The following CLEC2A variants were observed in gnomAD, a reference collection of about 807,000 sequenced individuals.
CLEC2A encodes the protein C-type lectin domain family 2 member A.
Under a neutral mutation model 18.6 loss-of-function variants are expected in CLEC2A, and 19 were observed. The ratio of observed to expected loss-of-function variants is 1.02; its 90% CI spans 0.71 to 1.50. The LOEUF (loss-of-function observed/expected upper bound fraction) is 1.50. Ranked by LOEUF, CLEC2A falls within the 40% of genes most tolerant of loss-of-function variation. CLEC2A has a pLI of 0.00. For synonymous variants in CLEC2A, 74 were observed against 64.0 expected (o/e 1.16, Z -0.75); for missense variants, 190 against 207.9 (o/e 0.91, Z 0.53).
At chr12:9,888,750 T>A in the CLEC2A span, 2 of 1,503,366 alleles carry the variant, frequency 1.3e-6, no homozygotes, top group Non-Finnish European at 1.8e-6. Flanking sequence ...AATGGATTTC[T>A]CCCAGAATGT....
At chr12:9,924,977 G>A (rs1863243980) in intron 2 of CLEC2A, among the ~76,000 whole-genome samples, 1 of 152,208 alleles carries the variant, frequency 6.6e-6, no homozygotes, top group African/African-American at 2.4e-5. Context: ...AAGGAAATGT[G>A]TGCAAACAAC....
At chr12:9,877,898 A>G in the CLEC2A span, among the ~76,000 whole-genome samples, 4 of 152,374 alleles carry the variant, frequency 2.6e-5, no homozygotes, top group Admixed American at 1.3e-4. Context: ...ACAGAAAATG[A>G]ACAAGGCACA....
At chr12:9,925,016 G>T (rs1400164289) in intron 2 of CLEC2A, among the ~76,000 whole-genome samples, 1 of 152,140 alleles carries the variant, frequency 6.6e-6, no homozygotes, top group Non-Finnish European at 1.5e-5. Context: ...TATCTTTCCG[G>T]TCACTTTTCT....
chr12:9,907,806 G>A (rs1862926460), intron 4 of CLEC2A, among the ~76,000 whole-genome samples: 1 of 152,164 alleles, frequency 6.6e-6, no homozygotes, highest in East Asian at 1.9e-4. Context: ...TCCAGAATAA[G>A]GATCTTCCCA....
the CLEC2A span, among the ~76,000 whole-genome samples, chr12:9,892,545 A>T: frequency 6.7e-6 from 1 of 149,882 alleles, no homozygotes; most frequent in African/African-American, 2.5e-5. Context: ...CTGGAAATAC[A>T]CAGGTTAGTA....
downstream of CLEC2A, among the ~76,000 whole-genome samples, chr12:9,896,073 T>G (rs1473627437): frequency 1.3e-5 from 2 of 152,184 alleles, no homozygotes; most frequent in Non-Finnish European, 2.9e-5. Context: ...AAATAAAAAA[T>G]TAGTAATTAT....
At chr12:9,885,519 T>A in the CLEC2A span, among the ~76,000 whole-genome samples, 1 of 151,868 alleles carries the variant, frequency 6.6e-6, no homozygotes, top group African/African-American at 2.4e-5. Flanking sequence ...AGTAGTGTTT[T>A]ACATATAACA....
At position 9,913,529 on chromosome 12, in the gene CLEC2A, C is replaced by T. The variant is rs1863019528; in HGVS notation, c.*37G>A. 2 of 1,532,320 alleles carry T rather than the reference C, an allele frequency of 1.3e-6. No homozygotes were observed. The highest frequency in any genetic ancestry group is 2.8e-5 in the African/African-American group (2 of 72,074). The allele number at this position is 1,532,320 out of a possible 1,614,324, so 94.9% of individuals were successfully genotyped here. On this transcript the variant is annotated 3_prime_UTR_variant, in exon 5 of 5. Coordinates refer to ENST00000455827, the MANE Select transcript of CLEC2A (RefSeq NM_001130711.2). ...TTGCATAATTAGCTCTTCTTTCAATCTTGAAGTGTGATAATCATTTTCAAG... is the reference window on the plus strand; with the variant it reads ...TTGCATAATTAGCTCTTCTTTCAATTTTGAAGTGTGATAATCATTTTCAAG...
the CLEC2A span, among the ~76,000 whole-genome samples, chr12:9,882,418 CA>C: frequency 6.6e-6 from 1 of 152,054 alleles, no homozygotes. Flanking sequence ...TATCATGAAA[CA>C]AATGTTTACT....
At chr12:9,917,225 C>T (rs1316837823) in intron 3 of CLEC2A, among the ~76,000 whole-genome samples, 1 of 152,050 alleles carries the variant, frequency 6.6e-6, no homozygotes, top group Non-Finnish European at 1.5e-5. Flanking sequence ...GTTCTTTTAA[C>T]TTTTATTTTA....
chr12:9,887,301 T>G, the CLEC2A span, among the ~76,000 whole-genome samples: 35 of 152,120 alleles, frequency 2.3e-4, no homozygotes, highest in Admixed American at 1.2e-3. Flanking sequence ...TAAAGATAGA[T>G]AGATAGATAG....
the CLEC2A span, among the ~76,000 whole-genome samples, chr12:9,877,909 A>G: frequency 3.3e-5 from 5 of 152,250 alleles, no homozygotes; most frequent in African/African-American, 1.2e-4. Context: ...ACAAGGCACA[A>G]ATAGTTAACC....
At chr12:9,899,078 T>G (rs1862790930) in intron 4 of CLEC2A, 4 of 636,538 alleles carry the variant, frequency 6.3e-6, no homozygotes, top group Non-Finnish European at 8.8e-6. Context: ...CAAGGCCTTT[T>G]ATCAGTTTGC....
At chr12:9,921,991 A>G in intron 3 of CLEC2A, 75 bp downstream of exon 3, 1 of 1,179,332 alleles carries the variant, frequency 8.5e-7, no homozygotes, top group Non-Finnish European at 1.2e-6. Context: ...GTATTATAGT[A>G]TTAGCTATTA....
downstream of CLEC2A, among the ~76,000 whole-genome samples, chr12:9,910,834 T>G (rs1862973995): frequency 6.6e-6 from 1 of 151,370 alleles, no homozygotes; most frequent in Non-Finnish European, 1.5e-5. Flanking sequence ...AACGAGAGAG[T>G]GTGACGCATC....
the CLEC2A span, chr12:9,893,148 A>G: frequency 6.5e-7 from 1 of 1,532,662 alleles, no homozygotes; most frequent in Non-Finnish European, 8.7e-7. Flanking sequence ...TTTACTGGTG[A>G]TTCAAAATTT....
At chr12:9,923,652 A>G (rs1366231807) in intron 2 of CLEC2A, among the ~76,000 whole-genome samples, 2 of 152,178 alleles carry the variant, frequency 1.3e-5, no homozygotes, top group Non-Finnish European at 2.9e-5. Context: ...GGCACTATTC[A>G]CAATAGCAAA....
chr12:9,912,947 T>C (rs1222388122), downstream of CLEC2A, among the ~76,000 whole-genome samples: 1 of 152,222 alleles, frequency 6.6e-6, no homozygotes, highest in Non-Finnish European at 1.5e-5. Flanking sequence ...CTACTTGTTC[T>C]GAAAGATCAC....
At chr12:9,923,802 A>G (rs563934610) in intron 2 of CLEC2A, among the ~76,000 whole-genome samples, 1 of 152,280 alleles carries the variant, frequency 6.6e-6, no homozygotes, top group East Asian at 1.9e-4. Flanking sequence ...GCTGGAAACC[A>G]TCATTCTCAG....
Sources: allele counts gnomAD v4.1 joint callset (sites outside exome capture counted in the v4.1 genomes callset), GRCh38; gene constraint gnomAD v4.1.1; transcripts MANE v1.5; gene names NCBI Gene and HGNC (gene_info 2026-07-23, HGNC 2026-07-21).